The following PEMT variants were observed in gnomAD, a reference collection of about 807,000 sequenced individuals.
The protein encoded by PEMT is phosphatidylethanolamine N-methyltransferase, also known as phospholipid methyltransferase.
Under a neutral mutation model 27.4 loss-of-function variants are expected in PEMT, and 23 were observed. That is an observed-to-expected ratio of 0.84 (90% CI 0.60 to 1.19). PEMT has a LOEUF of 1.19. PEMT is among the 50% of genes most tolerant of loss of function. The pLI is 0.00. For synonymous variants in PEMT, 137 were observed against 139.1 expected, an observed-to-expected ratio of 0.98 and a Z score of 0.11; for missense variants, 307 against 310.1, an observed-to-expected ratio of 0.99 and a Z score of 0.07.
intron 2 of PEMT, among the ~76,000 whole-genome samples, chr17:17,532,636 T>A (rs1428591249): frequency 6.6e-6 from 1 of 152,232 alleles, no homozygotes; most frequent in Non-Finnish European, 1.5e-5. Flanking sequence ...CTCAGCTGGC[T>A]TCTTTGTAAA....
rs961777243 is a variant in PEMT at position 17,561,529 on chromosome 17, A to G, written c.204+15391T>C. Among the ~76,000 whole-genome samples, 1 of 152,148 alleles carries G rather than the reference A, an allele frequency of 6.6e-6. No individual in the cohort carries two copies. The highest frequency in any genetic ancestry group is 2.4e-5 in the African/African-American group (1 of 41,444). On this transcript the variant is annotated intron_variant, in intron 2 of 6. Coordinates refer to ENST00000255389, the MANE Select transcript of PEMT (RefSeq NM_148172.3). The surrounding 1 kb of genome is among the most constrained non-coding windows in gnomAD (Gnocchi z 4.5). ...GGACGGTAAGGCTGGAGGTAGGAAG[A>G]GGGAACAGACGAGGGTCACTGACGC... is the stretch of plus-strand genomic sequence containing the variant.
At chr17:17,551,187 G>T (rs756292805) in intron 2 of PEMT, among the ~76,000 whole-genome samples, 1 of 152,156 alleles carries the variant, frequency 6.6e-6, no homozygotes, top group African/African-American at 2.4e-5. Flanking sequence ...GATGTTGAAC[G>T]CCATGCAGAA....
intron 2 of PEMT, among the ~76,000 whole-genome samples, chr17:17,569,504 A>G (rs909971707): frequency 1.3e-5 from 2 of 152,138 alleles, no homozygotes; most frequent in African/African-American, 4.8e-5. Context: ...AGGGCTTGGA[A>G]GGGGACAAAC....
rs70959683 is a variant in PEMT, at chr17:17,577,444, T to A, written c.97-417A>T. On this transcript the variant is annotated intron_variant, in intron 1 of 6. Coordinates refer to ENST00000255389, the MANE Select transcript of PEMT (RefSeq NM_148172.3). Reference sequence around the variant, plus strand: ...ATCAGGTAAAAGCAAATTAAAACAATAGTGGTGTGCCTCTCCTCGCCCACA... The same window carrying A: ...ATCAGGTAAAAGCAAATTAAAACAAAAGTGGTGTGCCTCTCCTCGCCCACA... 3,222 of 1,042,790 alleles carry A rather than the reference T, an allele frequency of 3.1e-3. 3 individuals carry two copies. The highest frequency in any genetic ancestry group is 3.5e-3 in the Non-Finnish European group (2,986 of 860,084). The allele number at this position is 1,042,790 out of a possible 1,614,324, so 64.6% of individuals were successfully genotyped here.
rs1272403948 is a variant in PEMT, at chr17:17,561,016, C to T, written c.204+15904G>A. On this transcript the variant is annotated intron_variant, in intron 2 of 6. Transcript: ENST00000255389. This position sits in a 1 kb window ranked among gnomAD's most constrained non-coding sequence, Gnocchi z 4.5. The stretch of plus-strand genomic sequence containing the variant: ...GTGTGACTGAAGATAGCAAGGACCC[C>T]GGCCGCGCCTTCCTCTCCCCTCTCT... Among the ~76,000 whole-genome samples, 1 of 152,064 alleles carries T rather than the reference C, an allele frequency of 6.6e-6. No homozygotes were observed. The highest frequency in any genetic ancestry group is 1.5e-5 in the Non-Finnish European group (1 of 68,008).
intron 3 of PEMT, among the ~76,000 whole-genome samples, chr17:17,521,292 G>A (rs1907244448): frequency 6.6e-6 from 1 of 152,192 alleles, no homozygotes; most frequent in Non-Finnish European, 1.5e-5. Context: ...GAGCTGCCGT[G>A]CGCAATGATT....
chr17:17,530,333 G>C lies in PEMT; in HGVS notation c.205-7938C>G, dbSNP rs753586854. Among the ~76,000 whole-genome samples the C allele has an allele frequency of 2.0e-5, 3 of 152,088 alleles. No individual in the cohort carries two copies. The East Asian group carries it at 5.8e-4, about 29-fold the overall frequency. ...CAACATGGTGAAACCCCGTCTCTAC[G>C]AAAATACAAAAATTAGCCGGGCATG... On this transcript the variant is annotated intron_variant, in intron 2 of 6. Transcript: ENST00000255389.
intron 1 of PEMT, among the ~76,000 whole-genome samples, chr17:17,586,230 A>C (rs1222654042): frequency 1.1e-5 from 1 of 87,856 alleles, no homozygotes. Flanking sequence ...GAAAGAAAGA[A>C]AGAAAGAAAG....
In PEMT at chr17:17,505,639, G is replaced by A. The variant is rs1905761222; in HGVS notation, c.*152C>T. 1.3e-6 allele frequency: 1 copy of A among 790,708 alleles called. No homozygotes were observed. The highest frequency in any genetic ancestry group is 1.8e-6 in the Non-Finnish European group (1 of 547,746). 49.0% of individuals were successfully genotyped at this position (790,708 alleles called of 1,614,324 possible). On this transcript the variant is annotated 3_prime_UTR_variant, in exon 7 of 7. Coordinates refer to ENST00000255389, the MANE Select transcript of PEMT (RefSeq NM_148172.3). Reference sequence around the variant, plus strand: ...AATGGCCATATGTCGGCACGTCCAGGGTCCCCAAGGCAGCAGGTTCCAAGG... The same window carrying A: ...AATGGCCATATGTCGGCACGTCCAGAGTCCCCAAGGCAGCAGGTTCCAAGG...
chr17:17,534,410 A>T (rs1276099436), intron 2 of PEMT, among the ~76,000 whole-genome samples: 1 of 152,264 alleles, frequency 6.6e-6, no homozygotes. Context: ...CAGTGACAGA[A>T]AGCAGATCAG....
intron 1 of PEMT, among the ~76,000 whole-genome samples, chr17:17,588,584 A>G (rs754282572): frequency 2.6e-4 from 40 of 152,082 alleles, no homozygotes; most frequent in Admixed American, 2.6e-3. Context: ...CTTGACACCA[A>G]CACCAAGCTG....
At chr17:17,539,947 A>T (rs1026714390) in intron 2 of PEMT, among the ~76,000 whole-genome samples, 15 of 152,176 alleles carry the variant, frequency 9.9e-5, no homozygotes, top group African/African-American at 1.4e-4. Flanking sequence ...GGGAGCTCAC[A>T]GCCTCCACGC....
At chr17:17,566,940 G>A (rs1321324499) in intron 2 of PEMT, among the ~76,000 whole-genome samples, 1 of 152,228 alleles carries the variant, frequency 6.6e-6, no homozygotes, top group Non-Finnish European at 1.5e-5. Flanking sequence ...CCTCAGTGTG[G>A]GAGGGATCCC....
At chr17:17,562,706 G>C (rs1233464001) in intron 2 of PEMT, among the ~76,000 whole-genome samples, 2 of 152,212 alleles carry the variant, frequency 1.3e-5, no homozygotes, top group Non-Finnish European at 2.9e-5. Flanking sequence ...CTACTTGGGA[G>C]GCTGAGGTGG....
intron 2 of PEMT, among the ~76,000 whole-genome samples, chr17:17,576,662 T>G (rs1228004152): frequency 6.6e-6 from 1 of 152,160 alleles, no homozygotes; most frequent in East Asian, 1.9e-4. Context: ...TGCAGGTTCT[T>G]GTGAGGGTAG....
At chr17:17,568,260 G>A (rs1401976593) in intron 2 of PEMT, among the ~76,000 whole-genome samples, 1 of 152,114 alleles carries the variant, frequency 6.6e-6, no homozygotes, top group African/African-American at 2.4e-5. Flanking sequence ...GTGCTGCCCT[G>A]CCTATGGCCC....
At chr17:17,507,407 C>A (rs1214521223) in intron 5 of PEMT, 2 of 601,742 alleles carry the variant, frequency 3.3e-6, no homozygotes, top group African/African-American at 3.7e-5. Context: ...TGGAGGACAC[C>A]TGTGGACCCC....
In PEMT at chr17:17,586,276, GAAAGAAAGAAAGAAAAAA is replaced by G. The variant is rs1408149101; in HGVS notation, c.96+5237_96+5254del. 5.1e-3 allele frequency among the ~76,000 whole-genome samples: 529 copies of G among 104,302 alleles called. 21 individuals carry two copies. Among genetic ancestry groups the G allele is most frequent in the African/African-American group, 0.023 (507 of 21,840 alleles). The allele number at this position is 104,302 out of a possible 152,430, so 68.4% of individuals were successfully genotyped here. A position where few individuals can be genotyped will look rare whatever the true frequency, so the allele number is the denominator to read the frequency against. ...AGAAAGAAAGAAAGAAAGAAAGAAA[GAAAGAAAGAAAGAAAAAA>G]AAAAACGCAGGTGGAAAATCGGGAG... On this transcript the variant is annotated intron_variant, in intron 1 of 6. Transcript: ENST00000255389.
Position 17,509,532 on chromosome 17 carries a change from C to T in PEMT, c.480G>A (p.Gly160=). The change falls in exon 5 of 7, where the codon GGG becomes GGA. Residue 160 remains glycine (G), a synonymous_variant. Transcript: ENST00000255389. ...FAGTFLGDYF[G]ILKEARVTVF... The stretch of plus-strand genomic sequence containing the variant: ...CGGTCACTCTCGCCTCCTTGAGGAT[C>T]CCGAAGTAATCACCTGTGGATGAGG... 7 of 1,612,784 alleles carry T rather than the reference C, an allele frequency of 4.3e-6. No homozygotes were observed. Among genetic ancestry groups the T allele is most frequent in the Non-Finnish European group, 5.9e-6 (7 of 1,178,796 alleles).
Sources: allele counts gnomAD v4.1 joint callset (sites outside exome capture counted in the v4.1 genomes callset), GRCh38; gene constraint gnomAD v4.1.1; non-coding constraint Gnocchi (gnomAD v3.1); transcripts MANE v1.5; gene names NCBI Gene and HGNC (gene_info 2026-07-23, HGNC 2026-07-21).